Variants in PHKB observed in about 807,000 individuals in gnomAD.
The protein encoded by PHKB is phosphorylase kinase regulatory subunit beta, also known as phosphorylase b kinase regulatory subunit beta.
Under a neutral mutation model 152.1 loss-of-function variants are expected in PHKB, and 122 were observed. The ratio of observed to expected loss-of-function variants is 0.80; its 90% CI spans 0.69 to 0.93. The LOEUF is 0.93. Among genes scored for constraint, PHKB ranks in the 40% least tolerant of loss-of-function variants. PHKB has a pLI of 0.00. For synonymous variants in PHKB, 436 were observed against 464.9 expected, an observed-to-expected ratio of 0.94 and a Z score of 0.80; for missense variants, 1,304 against 1,328.4, an observed-to-expected ratio of 0.98 and a Z score of 0.29.
intron 23 of PHKB, 110 bp downstream of exon 23, chr16:47,661,910 A>T: frequency 2.6e-6 from 2 of 783,470 alleles, no homozygotes; most frequent in East Asian, 5.0e-5. Flanking sequence ...TTCCCCTTTC[A>T]TTAAACCTTC....
chr16:47,626,042 C>T (rs1387955436), intron 14 of PHKB, among the ~76,000 whole-genome samples: 4 of 152,168 alleles, frequency 2.6e-5, no homozygotes, highest in Non-Finnish European at 5.9e-5. Flanking sequence ...TTCTGCCATC[C>T]TAGTGCTTAC....
At position 47,696,448 on chromosome 16, in the gene PHKB, G is replaced by T. The variant is rs776067420; in HGVS notation, c.2963G>T (p.Gly988Val). The T allele has an allele frequency of 8.7e-6, 14 of 1,608,844 alleles. No homozygotes were observed. The highest frequency in any genetic ancestry group is 1.1e-5 in the Non-Finnish European group (13 of 1,175,338). ...NFSLLVEDTL[G>V]NIDQPQYRQI... ...TCTCTCCTTGTTGAAGACACGTTGG[G>T]AAATATTGACCAGCCACAGTACAGA... The change falls in exon 29 of 31, where the codon GGA (glycine) becomes GTA (valine). Residue 988 changes from glycine to valine, a missense_variant. Coordinates refer to ENST00000323584, the MANE Select transcript of PHKB (RefSeq NM_000293.3).
At chr16:47,566,949 G>A (rs1567309062) in intron 7 of PHKB, 5 of 543,794 alleles carry the variant, frequency 9.2e-6, no homozygotes, top group Non-Finnish European at 1.3e-5. Context: ...GCCATGTTGG[G>A]AGAGGCTTTG....
intron 20 of PHKB, among the ~76,000 whole-genome samples, chr16:47,658,959 C>G (rs2151735917): frequency 6.6e-6 from 1 of 152,190 alleles, no homozygotes; most frequent in African/African-American, 2.4e-5. Flanking sequence ...AACATAGTAC[C>G]TAGTAGGCCT....
chr16:47,480,793 A>G (rs1969951044), intron 1 of PHKB, among the ~76,000 whole-genome samples: 1 of 152,198 alleles, frequency 6.6e-6, no homozygotes, highest in African/African-American at 2.4e-5. Flanking sequence ...CCATAGTCAC[A>G]TTCTTTCAGT....
At chr16:47,515,638 C>T (rs746748026) in intron 6 of PHKB, 37 bp downstream of exon 6, 1 of 858,636 alleles carries the variant, frequency 1.2e-6, no homozygotes, top group Non-Finnish European at 2.0e-6. Context: ...CTAAATTTCA[C>T]CTCTGAAAAT....
intron 4 of PHKB, among the ~76,000 whole-genome samples, chr16:47,508,420 A>G (rs1970456068): frequency 6.6e-6 from 1 of 152,304 alleles, no homozygotes; most frequent in Non-Finnish European, 1.5e-5. Flanking sequence ...TAGGCTATAA[A>G]TGTTGCTGTA....
intron 7 of PHKB, among the ~76,000 whole-genome samples, chr16:47,573,189 GC>G (rs1306868846): frequency 6.6e-6 from 1 of 152,182 alleles, no homozygotes; most frequent in Non-Finnish European, 1.5e-5. Flanking sequence ...GCAGGAGAGA[GC>G]CAGCTACAGT....
intron 16 of PHKB, among the ~76,000 whole-genome samples, chr16:47,643,411 T>A (rs1973060159): frequency 6.6e-6 from 1 of 152,248 alleles, no homozygotes; most frequent in Non-Finnish European, 1.5e-5. Flanking sequence ...GAAGGCATTC[T>A]GTTACAGAGC....
At chr16:47,462,655 C>G (rs1317959362) in intron 1 of PHKB, 1 of 150,806 alleles carries the variant, frequency 6.6e-6, no homozygotes, top group Non-Finnish European at 1.5e-5. Flanking sequence ...AAATTATTTT[C>G]TCACCTAATA....
intron 14 of PHKB, among the ~76,000 whole-genome samples, chr16:47,612,758 A>G (rs536800339): frequency 6.6e-6 from 1 of 152,282 alleles, no homozygotes; most frequent in East Asian, 1.9e-4. Flanking sequence ...ATATGTCCCC[A>G]TGTGGTTGGC....
Position 47,511,733 on chromosome 16 carries a change from A to G in PHKB, c.474A>G (p.Gly158=), listed in dbSNP as rs769375653. The G allele has an allele frequency of 1.4e-5, 22 of 1,611,644 alleles. No homozygotes were observed. The highest frequency in any genetic ancestry group is 1.6e-4 in the Middle Eastern group (1 of 6,078). The part of the protein sequence containing the change: ...CLHSVFNVHT[G]DELLSYEEYG... ...ACTCTGTTTTCAATGTGCATACAGG[A>G]GATGAGTTGCTTTCCTATGAGGAAT... Residue 158 remains glycine, a synonymous_variant, in exon 5 of 31, where the codon GGA becomes GGG. Coordinates refer to ENST00000323584, the MANE Select transcript of PHKB (RefSeq NM_000293.3).
intron 6 of PHKB, among the ~76,000 whole-genome samples, chr16:47,538,092 G>T (rs1401501964): frequency 6.6e-6 from 1 of 151,882 alleles, no homozygotes; most frequent in African/African-American, 2.4e-5. Flanking sequence ...ACAGTGTCTT[G>T]CTATGTTGCC....
In PHKB at chr16:47,523,673, G is replaced by C. The variant is rs139067211; in HGVS notation, c.594+8072G>C. ...TCTGACTTTCCAGGAATATGTTGGA[G>C]ATTTTCAGTGGCCCCCGTGGACACT... On this transcript the variant is annotated intron_variant, in intron 6 of 30. Coordinates refer to ENST00000323584, the MANE Select transcript of PHKB (RefSeq NM_000293.3). Among the ~76,000 whole-genome samples the C allele has an allele frequency of 4.6e-5, 7 of 152,322 alleles. No homozygotes were observed. In the East Asian group the frequency reaches 1.3e-3, roughly 29 times the overall value.
intron 1 of PHKB, among the ~76,000 whole-genome samples, chr16:47,467,139 AAT>A (rs1351558056): frequency 6.6e-6 from 1 of 152,238 alleles, no homozygotes; most frequent in Non-Finnish European, 1.5e-5. Flanking sequence ...CTTTCCTAAA[AAT>A]ATGTGTCTTT....
intron 13 of PHKB, among the ~76,000 whole-genome samples, chr16:47,596,764 A>AGGG (rs899290947): frequency 2.6e-5 from 4 of 152,114 alleles, no homozygotes; most frequent in African/African-American, 9.7e-5. Context: ...GTGATCATTT[A>AGGG]GGGGGCTGCA....
chr16:47,487,178 A>G (rs1396066242), intron 1 of PHKB, among the ~76,000 whole-genome samples: 1 of 152,242 alleles, frequency 6.6e-6, no homozygotes, highest in Admixed American at 6.5e-5. Context: ...TAATATTTTT[A>G]ACTTCCAGTA....
chr16:47,475,714 A>G (rs1306404289), intron 1 of PHKB, among the ~76,000 whole-genome samples: 1 of 152,210 alleles, frequency 6.6e-6, no homozygotes, highest in South Asian at 2.1e-4. Context: ...GTATTTTTAA[A>G]ATAATTATTT....
chr16:47,669,227 G>A lies in PHKB; in HGVS notation c.2440G>A (p.Ala814Thr). ...CTGCCACTTGTAGGTAACTCTGGGT[G>A]CCTTTGGGCATGAAGAAGAAGTTAT... ...LVHGKQVTLG[A>T]FGHEEEVISN... Residue 814 changes from alanine to threonine, a missense_variant, in exon 26 of 31, where the codon GCC (alanine) becomes ACC (threonine). Transcript: ENST00000323584. 1 of 1,613,550 alleles carries A rather than the reference G, an allele frequency of 6.2e-7. No individual in the cohort carries two copies.
Sources: allele counts gnomAD v4.1 joint callset (sites outside exome capture counted in the v4.1 genomes callset), GRCh38; gene constraint gnomAD v4.1.1; transcripts MANE v1.5; gene names NCBI Gene and HGNC (gene_info 2026-07-23, HGNC 2026-07-21).